The following TSPAN31 variants were observed in gnomAD, a reference collection of about 807,000 sequenced individuals.
TSPAN31 encodes tetraspanin 31.
A neutral mutation model predicts 24.8 loss-of-function variants in TSPAN31; 16 were observed. That is an observed-to-expected ratio of 0.64 (90% confidence interval 0.44 to 0.98). TSPAN31 has a LOEUF of 0.98. TSPAN31 is among the 50% of genes least tolerant of loss of function. The pLI is 0.00. For synonymous variants in TSPAN31, 87 were observed against 91.4 expected, an observed-to-expected ratio of 0.95 and a Z score of 0.27; for missense variants, 209 against 251.6, an observed-to-expected ratio of 0.83 and a Z score of 1.15.
chr12:57,745,637 A>T, intron 1 of TSPAN31, 108 bp from the exon 2 acceptor site: 1 of 1,381,116 alleles, frequency 7.2e-7, no homozygotes, highest in Non-Finnish European at 1.0e-6. Context: ...CCATTCACAC[A>T]CTATTCCATT....
Position 57,745,752 on chromosome 12 carries a change from G to C in TSPAN31, c.71G>C (p.Ser24Thr). Residue 24 changes from serine (S) to threonine (T), a missense_variant, in exon 2 of 6, where the codon AGC becomes ACC. Coordinates refer to ENST00000257910, the MANE Select transcript of TSPAN31 (RefSeq NM_005981.5). ...CALNVVYMLVSLLLIGVAAWG... is the reference protein window; with the variant it reads ...CALNVVYMLVTLLLIGVAAWG... ...CCTGCTCTTTCTTCGTAGCTGGTGA[G>C]CTTGTTGCTCATTGGAGTGGCTGCT... The C allele has an allele frequency of 6.2e-7, 1 of 1,614,076 alleles. No individual in the cohort carries two copies. The highest frequency in any genetic ancestry group is 8.5e-7 in the Non-Finnish European group (1 of 1,180,006).
In TSPAN31 at chr12:57,748,677, A is replaced by AC; in HGVS notation, c.*1388dup. On this transcript the variant is annotated 3_prime_UTR_variant, in exon 6 of 6. Transcript: ENST00000257910. ...GAAAACAGACTTCTGCCCACCCACA[A>AC]CAATACCTGGGATGAGCTTTCTTCT... 1 of 1,113,552 alleles carries AC rather than the reference A, an allele frequency of 9.0e-7. No homozygotes were observed. Among genetic ancestry groups the AC allele is most frequent in the East Asian group, 2.4e-5 (1 of 42,542 alleles). 69.0% of individuals were successfully genotyped at this position (1,113,552 alleles called of 1,614,324 possible). A position where few individuals can be genotyped will look rare whatever the true frequency, so the allele number is the denominator to read the frequency against.
In TSPAN31 at chr12:57,749,096, A is replaced by G. The variant is rs543229237; in HGVS notation, c.*1806A>G. On this transcript the variant is annotated 3_prime_UTR_variant, in exon 6 of 6. Coordinates refer to ENST00000257910, the MANE Select transcript of TSPAN31 (RefSeq NM_005981.5). ...CCCATCTACCAACCAAGTTTCATTA[A>G]CCACAGTGGCCAGGGCCCTGCATAC... 6 of 1,540,112 alleles carry G rather than the reference A, an allele frequency of 3.9e-6. No homozygotes were observed. In the South Asian group the frequency reaches 5.6e-5, roughly 14 times the overall value.
intron 1 of TSPAN31, 88 bp from the exon 2 acceptor site, chr12:57,745,657 C>T (rs1271245762): frequency 6.5e-7 from 1 of 1,528,446 alleles, no homozygotes; most frequent in African/African-American, 1.4e-5. Context: ...TATTCCTTCC[C>T]CCTGCCCCGC....
In TSPAN31 at chr12:57,746,238, T is replaced by G; in HGVS notation, c.294T>G (p.Ala98=). ...TTGTAATCTCTTGCTCATGTCTGGC[T>G]ATTAACCGAAGCAAACAGGTAAGAC... is the stretch of plus-strand genomic sequence containing the variant. ...FQFVISCSCL[A]INRSKQTDVI... The change falls in exon 3 of 6, where the codon GCT becomes GCG. Residue 98 remains alanine (A), a synonymous_variant. Coordinates refer to ENST00000257910, the MANE Select transcript of TSPAN31 (RefSeq NM_005981.5). The G allele has an allele frequency of 6.2e-7, 1 of 1,614,138 alleles. No individual in the cohort carries two copies. The highest frequency in any genetic ancestry group is 8.5e-7 in the Non-Finnish European group (1 of 1,179,948).
At position 57,749,164 on chromosome 12, in the gene TSPAN31, C is replaced by T. The variant is rs2140382516; in HGVS notation, c.*1874C>T. On this transcript the variant is annotated 3_prime_UTR_variant, in exon 6 of 6. Transcript: ENST00000257910. ...CAGTCTCTATTTCTTTCCCTGTGCC[C>T]ACAGCCATCTCCAGTACCAGCAGCA... 4 of 1,614,012 alleles carry T rather than the reference C, an allele frequency of 2.5e-6. No homozygotes were observed. Among genetic ancestry groups the T allele is most frequent in the Non-Finnish European group, 3.4e-6 (4 of 1,179,856 alleles).
In TSPAN31 at chr12:57,746,694, C is replaced by T; in HGVS notation, c.418C>T (p.Gln140Ter). 1 of 1,611,062 alleles carries T rather than the reference C, an allele frequency of 6.2e-7. No homozygotes were observed. The highest frequency in any genetic ancestry group is 1.1e-5 in the South Asian group (1 of 91,076). Residue 140 changes from glutamine to a stop codon, truncating the protein, a stop_gained, in exon 4 of 6, where the codon CAA becomes TAA. Transcript: ENST00000257910. LOFTEE classifies it high-confidence loss of function. The stretch of plus-strand genomic sequence containing the variant: ...CTTATTCAACCTCACAACCCTGTAT[C>T]AACAAGATTATGATTTCTGCACTGC... ...CGLFNLTTLY[Q>*]QDYDFCTAIC...
In TSPAN31 at chr12:57,745,789, C is replaced by T. The variant is rs2640600; in HGVS notation, c.108C>T (p.Gly36=). The T allele has an allele frequency of 4.3e-6, 7 of 1,613,806 alleles. No homozygotes were observed. Among genetic ancestry groups the T allele is most frequent in the Non-Finnish European group, 4.2e-6 (5 of 1,179,946 alleles). ...TTGGAGTGGCTGCTTGGGGCAAGGG[C>T]CTGGGTCTGGTGTCCAGCATCCACA... ...LLIGVAAWGK[G]LGLVSSIHII... The change falls in exon 2 of 6, where the codon GGC becomes GGT. Residue 36 remains glycine (G), a synonymous_variant. Transcript: ENST00000257910.
intron 4 of TSPAN31, 68 bp from the exon 5 acceptor site, chr12:57,746,950 T>G (rs1955162230): frequency 6.9e-7 from 1 of 1,447,582 alleles, no homozygotes; most frequent in Non-Finnish European, 9.7e-7. Flanking sequence ...CTAGGGACAT[T>G]CGGCATAGGT....
chr12:57,748,594 G>A lies in TSPAN31; in HGVS notation c.*1304G>A, dbSNP rs750061873. ...GAGCTCGAAAGGCAGAGATTCGCTT[G>A]TGTGGGTTAAAAGTCAGCATTTCCT... On this transcript the variant is annotated 3_prime_UTR_variant, in exon 6 of 6. Transcript: ENST00000257910. The A allele has an allele frequency of 3.7e-6, 6 of 1,613,812 alleles. No homozygotes were observed. The highest frequency in any genetic ancestry group is 5.1e-6 in the Non-Finnish European group (6 of 1,179,712).
rs552503028 is a variant in TSPAN31, at chr12:57,745,985, G to A, written c.231+73G>A. 1,456 of 1,536,584 alleles carry A rather than the reference G, an allele frequency of 9.5e-4. 2 individuals are homozygous for A. The highest frequency in any genetic ancestry group is 1.1e-3 in the Non-Finnish European group (1,297 of 1,142,612). ...GTCATCTAAGGAAGATGTTAGAAGG[G>A]TAGGGGACCTCAGGGATCTTGGACA... On this transcript the variant is annotated intron_variant, in intron 2 of 5. Transcript: ENST00000257910.
In TSPAN31 at chr12:57,747,556, G is replaced by T. The variant is rs960171645; in HGVS notation, c.*266G>T. 9 of 394,908 alleles carry T rather than the reference G, an allele frequency of 2.3e-5. No homozygotes were observed. Among genetic ancestry groups the T allele is most frequent in the African/African-American group, 1.6e-4 (8 of 49,392 alleles). The allele number at this position is 394,908 out of a possible 1,614,324, so 24.5% of individuals were successfully genotyped here. A position where few individuals can be genotyped will look rare whatever the true frequency, so the allele number is the denominator to read the frequency against. On this transcript the variant is annotated 3_prime_UTR_variant, in exon 6 of 6. Coordinates refer to ENST00000257910, the MANE Select transcript of TSPAN31 (RefSeq NM_005981.5). ...GTGAGTGCATAGGATGGGGGCTGGA[G>T]TCATTCTTAGCTGTTTCCCTTCCTC...
In TSPAN31 at chr12:57,745,151, G is replaced by A; in HGVS notation, c.-4G>A. 1 of 1,603,272 alleles carries A rather than the reference G, an allele frequency of 6.2e-7. No homozygotes were observed. The highest frequency in any genetic ancestry group is 8.5e-7 in the Non-Finnish European group (1 of 1,174,532). The stretch of plus-strand genomic sequence containing the variant: ...GGACCACTTGGGTCCCCAGAGCTGG[G>A]GAGATGGTTTGTGGCGGCTTTGCCT... On this transcript the variant is annotated 5_prime_UTR_variant, in exon 1 of 6. Transcript: ENST00000257910.
intron 1 of TSPAN31, 152 bp downstream of exon 1, chr12:57,745,369 GGA>G (rs932926649): frequency 8.5e-6 from 7 of 821,876 alleles, no homozygotes; most frequent in Non-Finnish European, 1.3e-5. Context: ...GACTTCCGTG[GGA>G]GAGAGGAGAC....
At position 57,748,440 on chromosome 12, in the gene TSPAN31, T is replaced by A. The variant is rs1955185032; in HGVS notation, c.*1150T>A. The A allele has an allele frequency of 2.0e-6, 2 of 989,098 alleles. No individual in the cohort carries two copies. The highest frequency in any genetic ancestry group is 3.3e-6 in the Non-Finnish European group (2 of 613,718). The allele number at this position is 989,098 out of a possible 1,614,324, so 61.3% of individuals were successfully genotyped here. On this transcript the variant is annotated 3_prime_UTR_variant, in exon 6 of 6. Coordinates refer to ENST00000257910, the MANE Select transcript of TSPAN31 (RefSeq NM_005981.5). ...AGATGGAGGAGGACCCTCCATAGCC[T>A]CAGAGATAAAGGCAAAGATTGCCCT...
In TSPAN31 at chr12:57,748,747, C is replaced by G. The variant is rs1244979835; in HGVS notation, c.*1457C>G. The G allele has an allele frequency of 2.9e-6, 2 of 691,684 alleles. No homozygotes were observed. Among genetic ancestry groups the G allele is most frequent in the Non-Finnish European group, 5.1e-6 (2 of 391,026 alleles). 42.8% of individuals were successfully genotyped at this position (691,684 alleles called of 1,614,324 possible). A position where few individuals can be genotyped will look rare whatever the true frequency, so the allele number is the denominator to read the frequency against. ...TTGAGACGGAGTCTCGCTCTATCAC[C>G]CAGGCTGGAGTGCAATGGTATGATC... On this transcript the variant is annotated 3_prime_UTR_variant, in exon 6 of 6. Coordinates refer to ENST00000257910, the MANE Select transcript of TSPAN31 (RefSeq NM_005981.5).
chr12:57,749,760 A>G lies in TSPAN31; in HGVS notation c.*2470A>G, dbSNP rs1257515239. ...ACGCCTGTAATCCTAGCACTTTGGG[A>G]GTCTGATGTGGGTGGATCATGAGGT... On this transcript the variant is annotated 3_prime_UTR_variant, in exon 6 of 6. Coordinates refer to ENST00000257910, the MANE Select transcript of TSPAN31 (RefSeq NM_005981.5). The G allele has an allele frequency of 1.9e-6, 1 of 535,758 alleles. No individual in the cohort carries two copies. Among genetic ancestry groups the G allele is most frequent in the Non-Finnish European group, 3.3e-6 (1 of 298,954 alleles). The allele number at this position is 535,758 out of a possible 1,614,324, so 33.2% of individuals were successfully genotyped here. A position where few individuals can be genotyped will look rare whatever the true frequency, so the allele number is the denominator to read the frequency against.
In TSPAN31 at chr12:57,748,708, CTTTT is replaced by C. The variant is rs545773931; in HGVS notation, c.*1430_*1433del. The stretch of plus-strand genomic sequence containing the variant: ...CCTGGGATGAGCTTTCTTCTTTTTT[CTTTT>C]TTTTTTTTTTTGAGACGGAGTCTCG... On this transcript the variant is annotated 3_prime_UTR_variant, in exon 6 of 6. Coordinates refer to ENST00000257910, the MANE Select transcript of TSPAN31 (RefSeq NM_005981.5). 1.9e-4 allele frequency: 129 copies of C among 693,266 alleles called. No homozygotes were observed. The highest frequency in any genetic ancestry group is 2.2e-4 in the Non-Finnish European group (89 of 403,280). The allele number at this position is 693,266 out of a possible 1,614,324, so 42.9% of individuals were successfully genotyped here.
Position 57,746,005 on chromosome 12 carries a change from T to G in TSPAN31, c.231+93T>G. ...GAAGGGTAGGGGACCTCAGGGATCT[T>G]GGACACGTCTCCTTGCCCTGCCCTG... On this transcript the variant is annotated intron_variant, in intron 2 of 5. Transcript: ENST00000257910. 5 of 1,500,296 alleles carry G rather than the reference T, an allele frequency of 3.3e-6. No individual in the cohort carries two copies. In the South Asian group the frequency reaches 5.2e-5, roughly 16 times the overall value. 92.9% of individuals were successfully genotyped at this position (1,500,296 alleles called of 1,614,324 possible). A position where few individuals can be genotyped will look rare whatever the true frequency, so the allele number is the denominator to read the frequency against.
Sources: allele counts gnomAD v4.1 joint callset, GRCh38; gene constraint gnomAD v4.1.1; transcripts MANE v1.5; gene names NCBI Gene and HGNC (gene_info 2026-07-23, HGNC 2026-07-21).